FAM227B: variants seen among roughly 807,000 people sequenced by gnomAD.
FAM227B encodes the protein family with sequence similarity 227 member B, also known as protein FAM227B.
FAM227B carries 88 observed loss-of-function variants against 73.8 expected under a neutral mutation model. The ratio of observed to expected loss-of-function variants is 1.19; its 90% CI spans 1.00 to 1.42. The LOEUF (loss-of-function observed/expected upper bound fraction) is 1.42. Among genes scored for constraint, FAM227B ranks in the 40% most tolerant of loss-of-function variants. FAM227B has a pLI of 0.00. For missense variants in FAM227B, 632 were observed against 590.9 expected (o/e 1.07, Z -0.72); for synonymous variants, 210 against 190.5 (o/e 1.10, Z -0.84).
chr15:49,345,537 C>T (rs1192551088), intron 13 of FAM227B, among the ~76,000 whole-genome samples: 2 of 152,124 alleles, frequency 1.3e-5, no homozygotes, highest in Non-Finnish European at 2.9e-5. Flanking sequence ...ATACTTAGAC[C>T]ATATACATTA....
At position 49,589,998 on chromosome 15, in the gene FAM227B, G is replaced by T; in HGVS notation, c.115C>A (p.Pro39Thr). The change falls in exon 4 of 16, where the codon CCA becomes ACA. Residue 39 changes from proline to threonine, a missense_variant. Transcript: ENST00000299338. ...TCATCTCTAAAATGGATTTCCCTTG[G>T]CCAATAATCCTGCAAAAAACGTGAA... ...FLKFQNWDYWPREIHFRDDDK... is the reference protein window; with the variant it reads ...FLKFQNWDYWTREIHFRDDDK... 6.3e-7 allele frequency: 1 copy of T among 1,575,870 alleles called. No individual in the cohort carries two copies. Among genetic ancestry groups the T allele is most frequent in the Non-Finnish European group, 8.7e-7 (1 of 1,147,788 alleles).
intron 11 of FAM227B, chr15:49,484,416 C>T: frequency 2.5e-6 from 4 of 1,591,738 alleles, no homozygotes; most frequent in Non-Finnish European, 3.4e-6. Context: ...ATGTTTGTTG[C>T]CTTAAATCAA....
chr15:49,439,137 A>G (rs532344313), intron 11 of FAM227B, among the ~76,000 whole-genome samples: 3 of 151,622 alleles, frequency 2.0e-5, no homozygotes, highest in African/African-American at 7.2e-5. Flanking sequence ...GCATTCTCAC[A>G]TTGTTGTTGG....
chr15:49,537,006 T>C (rs577410483), intron 10 of FAM227B, among the ~76,000 whole-genome samples: 7 of 152,186 alleles, frequency 4.6e-5, no homozygotes, highest in African/African-American at 1.7e-4. Context: ...CACTGACATA[T>C]GTGATGAATA....
chr15:49,539,878 T>G (rs2070812767), intron 10 of FAM227B, among the ~76,000 whole-genome samples: 1 of 152,206 alleles, frequency 6.6e-6, no homozygotes, highest in Non-Finnish European at 1.5e-5. Context: ...GCAGGCTAGC[T>G]TGTCGTGAAA....
At chr15:49,418,951 T>A (rs1416289175) in intron 11 of FAM227B, among the ~76,000 whole-genome samples, 1 of 152,180 alleles carries the variant, frequency 6.6e-6, no homozygotes, top group Non-Finnish European at 1.5e-5. Context: ...GTTTCCCTCT[T>A]CTGTTTCAAG....
intron 9 of FAM227B, among the ~76,000 whole-genome samples, chr15:49,557,017 G>A (rs2073773818): frequency 6.6e-6 from 1 of 152,090 alleles, no homozygotes; most frequent in South Asian, 2.1e-4. Flanking sequence ...CTGGGGCCAG[G>A]AAGAAGTCCT....
chr15:49,338,157 A>G (rs1440777299), intron 13 of FAM227B, among the ~76,000 whole-genome samples: 1 of 152,130 alleles, frequency 6.6e-6, no homozygotes, highest in Non-Finnish European at 1.5e-5. Flanking sequence ...TTATGTGTGA[A>G]CTGGATCCTG....
intron 11 of FAM227B, among the ~76,000 whole-genome samples, chr15:49,489,684 A>G (rs2056715827): frequency 6.7e-6 from 1 of 149,378 alleles, no homozygotes; most frequent in Non-Finnish European, 1.5e-5. Flanking sequence ...TCTGAGAATA[A>G]GACCTAAAAA....
chr15:49,427,000 A>G (rs888042792), intron 11 of FAM227B, among the ~76,000 whole-genome samples: 1 of 152,024 alleles, frequency 6.6e-6, no homozygotes, highest in Non-Finnish European at 1.5e-5. Context: ...AAAGAGGATA[A>G]GCCACTCTTT....
At chr15:49,529,069 A>T (rs12437899) in intron 10 of FAM227B, among the ~76,000 whole-genome samples, 43,605 of 151,620 alleles carry the variant, frequency 0.29, 6,549 homozygotes, top group East Asian at 0.38. Context: ...GTCTTGGAAT[A>T]AACCTAAGTG....
chr15:49,374,860 A>G (rs1464379450), intron 11 of FAM227B, among the ~76,000 whole-genome samples: 1 of 152,078 alleles, frequency 6.6e-6, no homozygotes, highest in Non-Finnish European at 1.5e-5. Context: ...GTATATTCTT[A>G]ATGTCTTATT....
At chr15:49,541,541 T>A (rs1290397864) in intron 10 of FAM227B, 139 bp downstream of exon 10, 1 of 682,966 alleles carries the variant, frequency 1.5e-6, no homozygotes, top group East Asian at 3.4e-5. Context: ...TAACATTTAT[T>A]TTAACACATG....
chr15:49,351,753 G>GACCCTAT (rs1307918099), intron 13 of FAM227B, among the ~76,000 whole-genome samples: 1 of 95,926 alleles, frequency 1.0e-5, no homozygotes, highest in African/African-American at 3.7e-5. Context: ...TGTCTCAGCT[G>GACCCTAT]ACCCTATAAG....
intron 10 of FAM227B, among the ~76,000 whole-genome samples, chr15:49,520,582 A>G (rs1597834878): frequency 6.6e-6 from 1 of 152,314 alleles, no homozygotes; most frequent in African/African-American, 2.4e-5. Flanking sequence ...CCTCACAATC[A>G]TGGTGGAAAG....
At chr15:49,546,407 C>T (rs1373390282) in intron 9 of FAM227B, among the ~76,000 whole-genome samples, 1 of 152,064 alleles carries the variant, frequency 6.6e-6, no homozygotes. Context: ...TGAATAGTGC[C>T]GCAATAAACA....
chr15:49,548,553 G>A (rs564462235), intron 9 of FAM227B, among the ~76,000 whole-genome samples: 6 of 152,288 alleles, frequency 3.9e-5, no homozygotes, highest in African/African-American at 1.4e-4. Flanking sequence ...GAGTTTGGGA[G>A]TATTCCCTCC....
intron 11 of FAM227B, among the ~76,000 whole-genome samples, chr15:49,460,347 G>A (rs2053681383): frequency 6.6e-6 from 1 of 152,124 alleles, no homozygotes; most frequent in Non-Finnish European, 1.5e-5. Context: ...CTTATGGAAG[G>A]TGAAGTTTGA....
At chr15:49,476,696 T>C (rs2055353566) in intron 11 of FAM227B, among the ~76,000 whole-genome samples, 1 of 152,208 alleles carries the variant, frequency 6.6e-6, no homozygotes, top group Non-Finnish European at 1.5e-5. Flanking sequence ...GATATTATAT[T>C]ATTAAAGTCA....
Sources: gnomAD v4.1 joint callset for allele counts (sites outside exome capture counted in the v4.1 genomes callset) on GRCh38, gnomAD v4.1.1 for gene constraint, MANE v1.5 for transcripts, NCBI Gene and HGNC (gene_info 2026-07-23, HGNC 2026-07-21) for gene names.